Variants in PDE4D observed in about 807,000 individuals in gnomAD.
PDE4D encodes 3',5'-cyclic-AMP phosphodiesterase 4D.
Under a neutral mutation model 87.4 loss-of-function variants are expected in PDE4D, and 24 were observed. That is an observed-to-expected ratio of 0.27 (90% CI 0.20 to 0.39). The LOEUF (loss-of-function observed/expected upper bound fraction) is 0.39. Among genes scored for constraint, PDE4D ranks in the 10% least tolerant of loss-of-function variants. The pLI is 1.00. For missense variants in PDE4D, 714 were observed against 1,041.0 expected (o/e 0.69, Z 4.32); for synonymous variants, 384 against 383.2 (o/e 1.00, Z -0.02).
chr5:60,245,374 AG>A (rs1161169169), intron 1 of PDE4D, among the ~76,000 whole-genome samples: 1 of 151,886 alleles, frequency 6.6e-6, no homozygotes, highest in African/African-American at 2.4e-5. Flanking sequence ...AACAGTTTGG[AG>A]GTTCCTCAAA....
chr5:59,822,744 T>C (rs1769845117), intron 1 of PDE4D, among the ~76,000 whole-genome samples: 1 of 152,218 alleles, frequency 6.6e-6, no homozygotes, highest in Admixed American at 6.5e-5. Flanking sequence ...TCCAGCTTTA[T>C]ACGTGGCCTA....
chr5:59,628,079 T>A (rs943636932), intron 1 of PDE4D, among the ~76,000 whole-genome samples: 1 of 152,206 alleles, frequency 6.6e-6, no homozygotes, highest in African/African-American at 2.4e-5. Flanking sequence ...AAATAAAAAA[T>A]TGCTGCCACA....
chr5:59,796,759 C>G (rs147271122), intron 1 of PDE4D, among the ~76,000 whole-genome samples: 36 of 152,202 alleles, frequency 2.4e-4, no homozygotes, highest in African/African-American at 8.7e-4. Context: ...TCTTATTCAG[C>G]AGTATTTCTT....
intron 1 of PDE4D, among the ~76,000 whole-genome samples, chr5:59,431,221 A>C (rs1273982207): frequency 6.6e-6 from 1 of 152,136 alleles, no homozygotes; most frequent in East Asian, 1.9e-4. Flanking sequence ...TTTTTTCATA[A>C]CAGTGAAAAA....
At chr5:59,407,431 A>G (rs749224397) in intron 1 of PDE4D, among the ~76,000 whole-genome samples, 39 of 152,172 alleles carry the variant, frequency 2.6e-4, no homozygotes, top group Non-Finnish European at 5.1e-4. Context: ...CTTTATTGCA[A>G]TGCCACAACA....
At chr5:60,428,937 C>T (rs535489251) in intron 1 of PDE4D, among the ~76,000 whole-genome samples, 2 of 152,308 alleles carry the variant, frequency 1.3e-5, no homozygotes, top group South Asian at 4.1e-4. Flanking sequence ...TTGATACTAA[C>T]AGTTAGGATC....
intron 2 of PDE4D, among the ~76,000 whole-genome samples, chr5:60,011,021 G>A (rs1764977072): frequency 6.6e-6 from 1 of 152,156 alleles, no homozygotes; most frequent in South Asian, 2.1e-4. Flanking sequence ...CTGTTTCTCA[G>A]GAGAGGACTG....
chr5:59,705,329 G>T (rs188959781), intron 1 of PDE4D, among the ~76,000 whole-genome samples: 1 of 152,146 alleles, frequency 6.6e-6, no homozygotes, highest in East Asian at 1.9e-4. Context: ...ACACAAACAG[G>T]ACTTTTCTTG....
chr5:60,319,293 T>C (rs188188651), intron 1 of PDE4D, among the ~76,000 whole-genome samples: 133 of 152,376 alleles, frequency 8.7e-4, no homozygotes, highest in African/African-American at 3.0e-3. Context: ...CTGAGGCTTG[T>C]GCATTGGTCA....
chr5:60,144,902 T>C (rs1780864995), intron 2 of PDE4D, among the ~76,000 whole-genome samples: 1 of 152,166 alleles, frequency 6.6e-6, no homozygotes, highest in Admixed American at 6.5e-5. Context: ...CATCAAATAA[T>C]TCATGAACAA....
At chr5:60,366,509 T>C (rs773169471) in intron 1 of PDE4D, among the ~76,000 whole-genome samples, 37 of 152,208 alleles carry the variant, frequency 2.4e-4, no homozygotes, top group Non-Finnish European at 3.7e-4. Flanking sequence ...ATCAAAAGCA[T>C]TTACCAGATA....
chr5:59,071,283 A>G (rs1490219434), intron 5 of PDE4D, among the ~76,000 whole-genome samples: 3 of 152,146 alleles, frequency 2.0e-5, no homozygotes, highest in Admixed American at 6.5e-5. Context: ...AAATGCTCCA[A>G]TTAATGAGTT....
intron 1 of PDE4D, among the ~76,000 whole-genome samples, chr5:60,501,079 C>T (rs1750050268): frequency 6.6e-6 from 1 of 151,876 alleles, no homozygotes; most frequent in South Asian, 2.1e-4. Flanking sequence ...ATACATGTGC[C>T]ATGCTGGTGT....
chr5:59,638,374 T>C (rs1178657198), intron 1 of PDE4D, among the ~76,000 whole-genome samples: 2 of 152,074 alleles, frequency 1.3e-5, no homozygotes, highest in African/African-American at 4.8e-5. Flanking sequence ...GCTGCCTTGG[T>C]CTCTCAAGTC....
intron 1 of PDE4D, among the ~76,000 whole-genome samples, chr5:60,378,723 C>A (rs779822858): frequency 5.3e-5 from 8 of 151,838 alleles, no homozygotes; most frequent in Non-Finnish European, 7.4e-5. Context: ...CATGGTGGTG[C>A]CCATCTGTAA....
intron 5 of PDE4D, among the ~76,000 whole-genome samples, chr5:59,143,650 A>G (rs892991569): frequency 1.3e-5 from 2 of 152,274 alleles, no homozygotes; most frequent in East Asian, 1.9e-4. Flanking sequence ...AAAACATAGT[A>G]TCTCATACTG....
intron 1 of PDE4D, among the ~76,000 whole-genome samples, chr5:60,468,478 T>C (rs953137293): frequency 6.6e-6 from 1 of 151,844 alleles, no homozygotes; most frequent in African/African-American, 2.4e-5. Flanking sequence ...TTCTCAAATA[T>C]ACTTCTAACT....
chr5:60,460,534 A>G (rs2150170530), intron 1 of PDE4D: 2 of 1,444,310 alleles, frequency 1.4e-6, no homozygotes, highest in East Asian at 4.6e-5. Context: ...TTTCTGTTCT[A>G]CTTTCAAAAT....
At chr5:59,502,663 AGTGTGTGTGTGTGTGTGT>A (rs56100725) in intron 1 of PDE4D, among the ~76,000 whole-genome samples, 19 of 135,174 alleles carry the variant, frequency 1.4e-4, no homozygotes, top group Non-Finnish European at 2.2e-4. Context: ...TCCTTAAGGT[AGTGTGTGTGTGTGTGTGT>A]GTGTGTGTGT....
Sources: gnomAD v4.1 joint callset for allele counts (sites outside exome capture counted in the v4.1 genomes callset) on GRCh38, gnomAD v4.1.1 for gene constraint, MANE v1.5 for transcripts, NCBI Gene and HGNC (gene_info 2026-07-23, HGNC 2026-07-21) for gene names.